ROBO1: variants seen among roughly 807,000 people sequenced by gnomAD.
The protein encoded by ROBO1 is roundabout homolog 1.
A neutral mutation model predicts 195.9 loss-of-function variants in ROBO1; 149 were observed. The ratio of observed to expected loss-of-function variants is 0.76; its 90% confidence interval spans 0.67 to 0.87. The LOEUF (loss-of-function observed/expected upper bound fraction) is 0.87, where lower values mean the gene tolerates loss of function less well. Ranked by LOEUF, ROBO1 falls within the 40% of genes least tolerant of loss-of-function variation. The probability of loss-of-function intolerance (pLI) is 0.00; values close to 1 mark genes in which losing one functional copy is unlikely to be tolerated. For synonymous variants in ROBO1, 816 were observed against 733.2 expected (o/e 1.11, Z -1.82); for missense variants, 1,933 against 2,068.3 (o/e 0.93, Z 1.27).
At chr3:79,158,273 A>G (rs1016637298) in intron 2 of ROBO1, among the ~76,000 whole-genome samples, 9 of 151,206 alleles carry the variant, frequency 6.0e-5, no homozygotes, top group Non-Finnish European at 3.0e-5. Context: ...TTGAAGTTTT[A>G]GTTTTAAAAT....
rs71631622 is a variant in ROBO1, at chr3:78,821,161, ATTTTTTT to A, written c.500-74268_500-74262del. 7.4e-5 allele frequency among the ~76,000 whole-genome samples: 9 copies of A among 122,214 alleles called. No homozygotes were observed. In the East Asian group the frequency reaches 1.4e-3, roughly 19 times the overall value. 80.2% of individuals were successfully genotyped at this position (122,214 alleles called of 152,430 possible). ...CTTATATGTGCATTTTATGATACTG[ATTTTTTT>A]TTTTTTTTTTTTTTTGAGACAGAGT... is the stretch of plus-strand genomic sequence containing the variant. On this transcript the variant is annotated intron_variant, in intron 4 of 30. Coordinates refer to ENST00000464233, the MANE Select transcript of ROBO1 (RefSeq NM_002941.4).
chr3:79,603,526 A>T (rs1052137332), intron 1 of ROBO1, among the ~76,000 whole-genome samples: 1 of 151,974 alleles, frequency 6.6e-6, no homozygotes, highest in Non-Finnish European at 1.5e-5. Flanking sequence ...ACTGCTGCTG[A>T]TCTAACCTGC....
chr3:79,489,428 G>A (rs1939333360), intron 2 of ROBO1, among the ~76,000 whole-genome samples: 1 of 151,998 alleles, frequency 6.6e-6, no homozygotes. Context: ...GGCCGAGGTG[G>A]GCGGATCACG....
chr3:78,914,435 G>T (rs1382966659), intron 4 of ROBO1, among the ~76,000 whole-genome samples: 1 of 151,868 alleles, frequency 6.6e-6, no homozygotes, highest in African/African-American at 2.4e-5. Context: ...AAGGTTTAAG[G>T]TTATAATGCC....
At chr3:79,522,154 T>C (rs1013980183) in intron 2 of ROBO1, among the ~76,000 whole-genome samples, 2 of 152,176 alleles carry the variant, frequency 1.3e-5, no homozygotes, top group South Asian at 4.1e-4. Context: ...ATTGTTTTGG[T>C]ATAATAAATT....
At chr3:79,494,483 G>A (rs1478861763) in intron 2 of ROBO1, among the ~76,000 whole-genome samples, 2 of 152,092 alleles carry the variant, frequency 1.3e-5, no homozygotes, top group Admixed American at 1.3e-4. Flanking sequence ...AAGGAAACTA[G>A]CAAGGAACAG....
chr3:79,401,754 A>T (rs1438609833), intron 2 of ROBO1, among the ~76,000 whole-genome samples: 1 of 151,944 alleles, frequency 6.6e-6, no homozygotes, highest in Non-Finnish European at 1.5e-5. Context: ...GTACTCTGCC[A>T]ATAAAAATCA....
chr3:78,635,872 C>CGCT lies in ROBO1; in HGVS notation c.3271_3273dup (p.Ser1091dup), dbSNP rs778825295. On this transcript the variant is annotated inframe_insertion, in exon 23 of 31. Coordinates refer to ENST00000464233, the MANE Select transcript of ROBO1 (RefSeq NM_002941.4). ...TTCCAGTGCTTCTCGCCAGAGTCCC[C>CGCT]GCTGCCATTGTTCATGTTGTTGCTG... is the stretch of plus-strand genomic sequence containing the variant. The CGCT allele has an allele frequency of 1.9e-6, 3 of 1,613,824 alleles. No homozygotes were observed. The South Asian group carries it at 3.3e-5, about 18-fold the overall frequency.
chr3:78,598,935 A>AGAT lies in ROBO1; in HGVS notation c.4942-11_4942-9dup, dbSNP rs1353844479. The AGAT allele has an allele frequency of 2.6e-6, 4 of 1,555,622 alleles. No homozygotes were observed. The highest frequency in any genetic ancestry group is 2.4e-5 in the South Asian group (2 of 83,546). On this transcript the variant is annotated splice_polypyrimidine_tract_variant and intron_variant, in intron 30 of 30. Coordinates refer to ENST00000464233, the MANE Select transcript of ROBO1 (RefSeq NM_002941.4). ...TCTTCAGCTTTCAGTTTCCTGTAAG[A>AGAT]GATACGTTATTGTCACATTTGAAAA...
At chr3:78,623,669 C>A (rs1034261908) in intron 26 of ROBO1, among the ~76,000 whole-genome samples, 1 of 152,098 alleles carries the variant, frequency 6.6e-6, no homozygotes, top group Non-Finnish European at 1.5e-5. Flanking sequence ...AAGGCTGAAG[C>A]AACAAGACCA....
chr3:78,770,214 T>C (rs1171995796), intron 4 of ROBO1, among the ~76,000 whole-genome samples: 2 of 152,178 alleles, frequency 1.3e-5, no homozygotes, highest in African/African-American at 4.8e-5. Context: ...GTACACCAAT[T>C]ATTCTTAGGT....
chr3:79,278,191 C>T (rs902196595), intron 2 of ROBO1, among the ~76,000 whole-genome samples: 43 of 151,934 alleles, frequency 2.8e-4, no homozygotes, highest in Non-Finnish European at 1.0e-4. Flanking sequence ...AAAGACATTC[C>T]ATGTTCATGG....
intron 4 of ROBO1, among the ~76,000 whole-genome samples, chr3:78,748,183 C>A (rs561202129): frequency 3.3e-5 from 5 of 152,092 alleles, no homozygotes; most frequent in Non-Finnish European, 7.4e-5. Flanking sequence ...TGGTGGCTTA[C>A]GCCTATAATC....
In ROBO1 at chr3:79,373,776, G is replaced by C. The variant is rs961743683; in HGVS notation, c.88+216048C>G. Among the ~76,000 whole-genome samples, 4 of 152,208 alleles carry C rather than the reference G, an allele frequency of 2.6e-5. No homozygotes were observed. In the South Asian group the frequency reaches 8.3e-4, roughly 32 times the overall value. On this transcript the variant is annotated intron_variant, in intron 2 of 30. Coordinates refer to ENST00000464233, the MANE Select transcript of ROBO1 (RefSeq NM_002941.4). The stretch of plus-strand genomic sequence containing the variant: ...CCTTTCTTGGATATGAAGCCAAAAG[G>C]GAACATAGCCATTTAAGGATCTTAG...
chr3:79,098,297 C>T (rs1041392108), intron 3 of ROBO1, among the ~76,000 whole-genome samples: 3 of 151,772 alleles, frequency 2.0e-5, no homozygotes, highest in African/African-American at 4.8e-5. Context: ...AGACAGTAAT[C>T]CTCATGCAGA....
chr3:79,059,100 A>G (rs1436953187), intron 3 of ROBO1, among the ~76,000 whole-genome samples: 1 of 152,112 alleles, frequency 6.6e-6, no homozygotes, highest in Non-Finnish European at 1.5e-5. Flanking sequence ...CGAATATTGC[A>G]TGCAAATGCA....
intron 22 of ROBO1, among the ~76,000 whole-genome samples, chr3:78,637,440 T>C (rs1166802494): frequency 6.6e-6 from 1 of 152,222 alleles, no homozygotes; most frequent in Non-Finnish European, 1.5e-5. Context: ...CCAACAGAAC[T>C]TTGGAGATAT....
At chr3:79,094,677 C>A (rs2079535346) in intron 3 of ROBO1, among the ~76,000 whole-genome samples, 1 of 151,990 alleles carries the variant, frequency 6.6e-6, no homozygotes, top group African/African-American at 2.4e-5. Context: ...AAATATTTAT[C>A]TCTGAATTTG....
intron 2 of ROBO1, among the ~76,000 whole-genome samples, chr3:79,275,400 T>A (rs192645323): frequency 6.6e-6 from 1 of 151,972 alleles, no homozygotes; most frequent in Non-Finnish European, 1.5e-5. Flanking sequence ...TTTCAATTGA[T>A]GCTGAAAAAG....
Sources: gnomAD v4.1 joint callset for allele counts (sites outside exome capture counted in the v4.1 genomes callset) on GRCh38, gnomAD v4.1.1 for gene constraint, MANE v1.5 for transcripts, NCBI Gene and HGNC (gene_info 2026-07-23, HGNC 2026-07-21) for gene names.